CPNE8: variants seen among roughly 807,000 people sequenced by gnomAD.
CPNE8 encodes copine-8.
CPNE8 carries 45 observed loss-of-function variants against 81.5 expected under a neutral mutation model. That is an observed-to-expected ratio of 0.55 (90% CI 0.44 to 0.71). CPNE8 has a LOEUF of 0.71. CPNE8 is among the 30% of genes least tolerant of loss of function. The pLI is 0.00. For missense variants in CPNE8, 594 were observed against 672.1 expected, an observed-to-expected ratio of 0.88 and a Z score of 1.28; for synonymous variants, 252 against 226.3, an observed-to-expected ratio of 1.11 and a Z score of -1.02.
intron 6 of CPNE8, among the ~76,000 whole-genome samples, chr12:38,787,970 C>CAAAA (rs1357417254): frequency 3.3e-5 from 1 of 30,238 alleles, no homozygotes; most frequent in Non-Finnish European, 1.2e-4. Context: ...AAAAGTCTCC[C>CAAAA]AGAAAAAAAA....
At chr12:38,902,318 A>AGG (rs1425467660) in intron 1 of CPNE8, among the ~76,000 whole-genome samples, 2,010 of 44,030 alleles carry the variant, frequency 0.046, 38 homozygotes, top group East Asian at 0.11. Flanking sequence ...GAAGGAAGGA[A>AGG]AGAAAGAAAG....
At chr12:38,807,993 C>T (rs1391783524) in intron 6 of CPNE8, among the ~76,000 whole-genome samples, 1 of 151,990 alleles carries the variant, frequency 6.6e-6, no homozygotes, top group South Asian at 2.1e-4. Flanking sequence ...CCAAAAAACA[C>T]ATGGAAAAAT....
At chr12:38,800,062 C>T (rs182187931) in intron 6 of CPNE8, among the ~76,000 whole-genome samples, 12 of 128,020 alleles carry the variant, frequency 9.4e-5, no homozygotes, top group Non-Finnish European at 1.2e-4. Flanking sequence ...AACTGCAAGG[C>T]GGCAACGAGG....
At chr12:38,701,998 T>C (rs1273212604) in intron 14 of CPNE8, among the ~76,000 whole-genome samples, 1 of 152,154 alleles carries the variant, frequency 6.6e-6, no homozygotes, top group Non-Finnish European at 1.5e-5. Flanking sequence ...TGTCCTCGCT[T>C]GTATAAGAAG....
At chr12:38,772,788 A>T (rs1941829941) in intron 7 of CPNE8, among the ~76,000 whole-genome samples, 1 of 152,166 alleles carries the variant, frequency 6.6e-6, no homozygotes, top group Non-Finnish European at 1.5e-5. Context: ...AAGAGACTGA[A>T]ATCAGTATCT....
At chr12:38,886,878 C>T (rs1367766200) in intron 1 of CPNE8, among the ~76,000 whole-genome samples, 1 of 152,010 alleles carries the variant, frequency 6.6e-6, no homozygotes, top group Non-Finnish European at 1.5e-5. Flanking sequence ...AAAGACAGGC[C>T]CACACAGTCT....
chr12:38,900,535 G>C (rs1204439489), intron 1 of CPNE8, among the ~76,000 whole-genome samples: 4 of 152,124 alleles, frequency 2.6e-5, no homozygotes, highest in Non-Finnish European at 4.4e-5. Flanking sequence ...ATATACCTAT[G>C]ACACTGGCAC....
chr12:38,731,429 G>T (rs1940828773), intron 10 of CPNE8, among the ~76,000 whole-genome samples: 1 of 151,866 alleles, frequency 6.6e-6, no homozygotes, highest in Non-Finnish European at 1.5e-5. Context: ...TTAAAGACAG[G>T]ATGTGGAGGG....
chr12:38,745,263 C>T (rs1941201666), intron 10 of CPNE8, among the ~76,000 whole-genome samples: 1 of 152,194 alleles, frequency 6.6e-6, no homozygotes, highest in Non-Finnish European at 1.5e-5. Context: ...TCAGATAAAT[C>T]ACATATCATA....
intron 15 of CPNE8, among the ~76,000 whole-genome samples, chr12:38,692,073 C>T (rs1387429953): frequency 6.6e-6 from 1 of 152,104 alleles, no homozygotes; most frequent in African/African-American, 2.4e-5. Flanking sequence ...AGGCGAATTG[C>T]TTGAGCCCAG....
At chr12:38,831,407 T>C (rs1426130957) in intron 5 of CPNE8, among the ~76,000 whole-genome samples, 2 of 152,082 alleles carry the variant, frequency 1.3e-5, no homozygotes, top group Non-Finnish European at 2.9e-5. Flanking sequence ...GGAAAAAAAC[T>C]AGAAGCCAGA....
intron 14 of CPNE8, among the ~76,000 whole-genome samples, chr12:38,699,193 T>C (rs768959402): frequency 6.6e-6 from 1 of 152,224 alleles, no homozygotes; most frequent in African/African-American, 2.4e-5. Context: ...TGTTGGACTA[T>C]AAGTTTTGCA....
rs10161359 is a variant in CPNE8, at chr12:38,656,254, T to A, written c.1507-2184A>T. Among the ~76,000 whole-genome samples, 810 of 151,884 alleles carry A rather than the reference T, an allele frequency of 5.3e-3. 9 individuals carry two copies. Among genetic ancestry groups the A allele is most frequent in the African/African-American group, 0.019 (781 of 41,482 alleles). On this transcript the variant is annotated intron_variant, in intron 19 of 19. Coordinates refer to ENST00000331366, the MANE Select transcript of CPNE8 (RefSeq NM_153634.3). ...TTTACTTAATTCTTATTCTAGAAGG[T>A]ATAATGCTTTAAATGTTAACATTTA... is the stretch of plus-strand genomic sequence containing the variant.
intron 1 of CPNE8, among the ~76,000 whole-genome samples, chr12:38,888,705 C>A (rs962125220): frequency 6.6e-6 from 1 of 152,136 alleles, no homozygotes; most frequent in Non-Finnish European, 1.5e-5. Flanking sequence ...CCAAAACCAA[C>A]AAAACAACAA....
At chr12:38,813,645 A>G (rs1316124312) in intron 6 of CPNE8, among the ~76,000 whole-genome samples, 2 of 152,218 alleles carry the variant, frequency 1.3e-5, no homozygotes, top group Non-Finnish European at 2.9e-5. Flanking sequence ...GTAATAGATC[A>G]CTCAGGTTAA....
chr12:38,671,963 C>T (rs1474984240), intron 18 of CPNE8, among the ~76,000 whole-genome samples: 1 of 152,070 alleles, frequency 6.6e-6, no homozygotes, highest in East Asian at 1.9e-4. Context: ...ATGCAGAAGA[C>T]ATTTTTTAAT....
intron 6 of CPNE8, among the ~76,000 whole-genome samples, chr12:38,799,795 T>A (rs1942609377): frequency 7.1e-6 from 1 of 141,006 alleles, no homozygotes; most frequent in Non-Finnish European, 1.6e-5. Flanking sequence ...GGCCAGTGTG[T>A]GCGCGCACCG....
intron 1 of CPNE8, among the ~76,000 whole-genome samples, chr12:38,890,450 C>T (rs1944298852): frequency 6.6e-6 from 1 of 152,078 alleles, no homozygotes; most frequent in Admixed American, 6.6e-5. Flanking sequence ...CTGTCTTTTC[C>T]TTTTTTTATA....
chr12:38,848,206 A>G (rs1168313948), intron 4 of CPNE8, among the ~76,000 whole-genome samples: 1 of 152,232 alleles, frequency 6.6e-6, no homozygotes, highest in Non-Finnish European at 1.5e-5. Context: ...TGCTATGCTA[A>G]GAAGCTGCTG....
Sources: gnomAD v4.1 joint callset for allele counts (sites outside exome capture counted in the v4.1 genomes callset) on GRCh38, gnomAD v4.1.1 for gene constraint, MANE v1.5 for transcripts, NCBI Gene and HGNC (gene_info 2026-07-23, HGNC 2026-07-21) for gene names.